Variants in TRIM66 observed in about 807,000 individuals in gnomAD.
TRIM66 encodes the protein tripartite motif-containing protein 66.
In TRIM66, 99 loss-of-function variants were observed where a neutral mutation model predicts 148.2. That is an observed-to-expected ratio of 0.67 (90% CI 0.57 to 0.79). The LOEUF is 0.79. Ranked by LOEUF, TRIM66 falls within the 30% of genes least tolerant of loss-of-function variation. The probability of loss-of-function intolerance (pLI) is 0.00; values close to 1 mark genes in which losing one functional copy is unlikely to be tolerated. For synonymous variants in TRIM66, 616 were observed against 635.9 expected, an observed-to-expected ratio of 0.97 and a Z score of 0.47; for missense variants, 1,666 against 1,697.9, an observed-to-expected ratio of 0.98 and a Z score of 0.33.
chr11:8,639,623 G>A (rs2036192957), intron 14 of TRIM66, among the ~76,000 whole-genome samples: 1 of 152,192 alleles, frequency 6.6e-6, no homozygotes, highest in South Asian at 2.1e-4. Flanking sequence ...GCCTTCTCTA[G>A]CTCCCACTTA....
upstream of TRIM66, chr11:8,683,079 G>T (rs1273983648): frequency 3.6e-6 from 4 of 1,098,892 alleles, no homozygotes; most frequent in Non-Finnish European, 5.5e-6. Context: ...GGTACCCTCA[G>T]CTTTCCCAAA....
chr11:8,667,675 T>C (rs1379413593), intron 6 of TRIM66, among the ~76,000 whole-genome samples: 1 of 152,244 alleles, frequency 6.6e-6, no homozygotes, highest in Non-Finnish European at 1.5e-5. Flanking sequence ...CTTGCCCTGT[T>C]ATGACAGGCT....
At chr11:8,653,021 C>T (rs2037499593) in intron 6 of TRIM66, among the ~76,000 whole-genome samples, 1 of 152,182 alleles carries the variant, frequency 6.6e-6, no homozygotes, top group Admixed American at 6.5e-5. Flanking sequence ...TTAGATAAGA[C>T]TTCAGAAATC....
intron 13 of TRIM66, among the ~76,000 whole-genome samples, chr11:8,641,775 C>T (rs1365553524): frequency 6.6e-6 from 1 of 152,056 alleles, no homozygotes; most frequent in Non-Finnish European, 1.5e-5. Flanking sequence ...TGGTTTAGCA[C>T]CGTCCCTTTG....
At chr11:8,670,413 T>G (rs2038868989) in intron 6 of TRIM66, among the ~76,000 whole-genome samples, 1 of 152,202 alleles carries the variant, frequency 6.6e-6, no homozygotes, top group Non-Finnish European at 1.5e-5. Context: ...TACTCAATCT[T>G]TAGTTTCCAC....
chr11:8,618,043 T>C, intron 24 of TRIM66, 40 bp from the exon 25 acceptor site: 1 of 1,532,338 alleles, frequency 6.5e-7, no homozygotes, highest in Non-Finnish European at 8.8e-7. Context: ...AATAGCCAAA[T>C]GTAGGATTTA....
At chr11:8,649,258 G>C (rs2037137913) in intron 8 of TRIM66, among the ~76,000 whole-genome samples, 1 of 152,130 alleles carries the variant, frequency 6.6e-6, no homozygotes, top group South Asian at 2.1e-4. Flanking sequence ...AGAATCGCTT[G>C]AACCCAGGAG....
chr11:8,667,985 C>A (rs1336820253), intron 6 of TRIM66, among the ~76,000 whole-genome samples: 1 of 152,188 alleles, frequency 6.6e-6, no homozygotes, highest in African/African-American at 2.4e-5. Context: ...TGAGGAACTG[C>A]CATATTTTCC....
intron 6 of TRIM66, among the ~76,000 whole-genome samples, chr11:8,661,389 T>A (rs544703717): frequency 6.6e-6 from 1 of 152,364 alleles, no homozygotes; most frequent in South Asian, 2.1e-4. Context: ...ACAGGTAGGA[T>A]GAGTCTGGGC....
At chr11:8,673,918 G>A (rs1050406109) in intron 4 of TRIM66, among the ~76,000 whole-genome samples, 4 of 152,234 alleles carry the variant, frequency 2.6e-5, no homozygotes, top group African/African-American at 9.6e-5. Context: ...CCTTCAGGAA[G>A]GAGGAAGGGT....
intron 3 of TRIM66, among the ~76,000 whole-genome samples, chr11:8,677,392 G>A (rs981546631): frequency 2.6e-5 from 4 of 152,100 alleles, no homozygotes; most frequent in South Asian, 2.1e-4. Context: ...TTTATAAAAC[G>A]AATGAATGAA....
At chr11:8,664,677 T>C (rs1000890276) in intron 6 of TRIM66, among the ~76,000 whole-genome samples, 1 of 152,220 alleles carries the variant, frequency 6.6e-6, no homozygotes, top group Non-Finnish European at 1.5e-5. Context: ...AAAAGCCTTC[T>C]ACCCAGGCTT....
intron 4 of TRIM66, 59 bp from the exon 5 acceptor site, chr11:8,672,444 C>G: frequency 7.0e-7 from 1 of 1,438,272 alleles, no homozygotes; most frequent in Non-Finnish European, 9.1e-7. Flanking sequence ...TTATGACAGG[C>G]ACTTTACATA....
intron 3 of TRIM66, among the ~76,000 whole-genome samples, chr11:8,676,658 CAAT>C (rs917528810): frequency 6.6e-6 from 1 of 152,230 alleles, no homozygotes; most frequent in Non-Finnish European, 1.5e-5. Flanking sequence ...CACAGCCACA[CAAT>C]GAGTTTCTGA....
intron 6 of TRIM66, 35 bp downstream of exon 6, chr11:8,671,751 A>C: frequency 1.1e-6 from 1 of 905,098 alleles, no homozygotes; most frequent in Non-Finnish European, 1.8e-6. Flanking sequence ...CCTGTTATGT[A>C]GTGGGAGGTG....
chr11:8,628,290 G>A (rs186050988), intron 15 of TRIM66, among the ~76,000 whole-genome samples: 1 of 152,084 alleles, frequency 6.6e-6, no homozygotes, highest in African/African-American at 2.4e-5. Context: ...TCACTAAGTA[G>A]ATTTGATGTA....
chr11:8,670,007 G>GTTTTTT (rs752586311), intron 6 of TRIM66, among the ~76,000 whole-genome samples: 15 of 138,538 alleles, frequency 1.1e-4, no homozygotes, highest in East Asian at 2.4e-4. Context: ...GTCTTGTTTT[G>GTTTTTT]TTTTTATTTA....
intron 15 of TRIM66, among the ~76,000 whole-genome samples, chr11:8,628,551 T>G (rs551619246): frequency 7.0e-6 from 1 of 143,258 alleles, no homozygotes; most frequent in East Asian, 2.2e-4. Flanking sequence ...AGGTTGAGAC[T>G]GCAGTGAGCC....
chr11:8,648,863 C>G (rs1382673496), intron 8 of TRIM66, among the ~76,000 whole-genome samples: 2 of 152,236 alleles, frequency 1.3e-5, no homozygotes, highest in African/African-American at 4.8e-5. Flanking sequence ...CACAATTAAC[C>G]TTAACCTGTT....
Sources: gnomAD v4.1 joint callset for allele counts (sites outside exome capture counted in the v4.1 genomes callset) on GRCh38, gnomAD v4.1.1 for gene constraint, MANE v1.5 for transcripts, NCBI Gene and HGNC (gene_info 2026-07-23, HGNC 2026-07-21) for gene names.